PPP2R2C: variants seen among roughly 807,000 people sequenced by gnomAD.
The protein encoded by PPP2R2C is protein phosphatase 2 regulatory subunit Bgamma.
A neutral mutation model predicts 45.3 loss-of-function variants in PPP2R2C; 10 were observed. The ratio of observed to expected loss-of-function variants is 0.22; its 90% CI spans 0.14 to 0.37. The LOEUF (loss-of-function observed/expected upper bound fraction) is 0.37. Ranked by LOEUF, PPP2R2C falls within the 10% of genes least tolerant of loss-of-function variation. PPP2R2C has a pLI of 1.00. For missense variants in PPP2R2C, 308 were observed against 619.7 expected, an observed-to-expected ratio of 0.50 and a Z score of 5.34; for synonymous variants, 257 against 245.4, an observed-to-expected ratio of 1.05 and a Z score of -0.44.
chr4:6,476,720 T>C (rs1203409030), upstream of PPP2R2C, among the ~76,000 whole-genome samples: 1 of 152,258 alleles, frequency 6.6e-6, no homozygotes, highest in Non-Finnish European at 1.5e-5. Flanking sequence ...ACTAGTTTAC[T>C]AGTAAATTGT....
chr4:6,357,607 T>C (rs1238047163), intron 5 of PPP2R2C, among the ~76,000 whole-genome samples: 1 of 152,156 alleles, frequency 6.6e-6, no homozygotes, highest in Non-Finnish European at 1.5e-5. Flanking sequence ...TCACACAGCC[T>C]CCCTTCTTTA....
chr4:6,356,657 C>G (rs1438839585), intron 5 of PPP2R2C, among the ~76,000 whole-genome samples: 1 of 152,284 alleles, frequency 6.6e-6, no homozygotes, highest in Non-Finnish European at 1.5e-5. Context: ...GCGCTGAGAA[C>G]AGGACCAGGC....
At chr4:6,557,944 C>T (rs111928493) in intron 1 of PPP2R2C, among the ~76,000 whole-genome samples, 9,129 of 152,098 alleles carry the variant, frequency 0.06, 389 homozygotes, top group Admixed American at 0.12. Context: ...GGCAAACCCT[C>T]CCCAGCCCCA....
intron 1 of PPP2R2C, among the ~76,000 whole-genome samples, chr4:6,402,988 G>C (rs771835787): frequency 6.6e-6 from 1 of 152,194 alleles, no homozygotes; most frequent in Admixed American, 6.5e-5. Flanking sequence ...GGCTCTGCAC[G>C]TCTCCCGGCT....
chr4:6,550,624 A>G (rs1053935500), intron 1 of PPP2R2C, among the ~76,000 whole-genome samples: 7 of 152,126 alleles, frequency 4.6e-5, no homozygotes, highest in Non-Finnish European at 4.4e-5. Flanking sequence ...TTCGCAGAGC[A>G]TCTTAGGGGG....
chr4:6,448,777 C>A (rs34077531), intron 1 of PPP2R2C, among the ~76,000 whole-genome samples: 2 of 152,054 alleles, frequency 1.3e-5, no homozygotes, highest in East Asian at 1.9e-4. Flanking sequence ...CCTCCTCCCC[C>A]CAGTGAGCAA....
rs113130819 is a variant in PPP2R2C at position 6,524,397 on chromosome 4, G to C, written c.49+10874C>G. On this transcript the variant is annotated intron_variant, in intron 2 of 9. Coordinates refer to the PPP2R2C transcript ENST00000506140. ...CATGGTTGCCAGGGACTAGAAGGAG[G>C]AGGAATGGGAGTGACTGCTTACTGA... is the stretch of plus-strand genomic sequence containing the variant. Among the ~76,000 whole-genome samples, 477 of 152,338 alleles carry C rather than the reference G, an allele frequency of 3.1e-3. 5 individuals carry two copies. Among genetic ancestry groups the C allele is most frequent in the African/African-American group, 0.011 (457 of 41,568 alleles).
chr4:6,436,877 T>C (rs1367281298), intron 1 of PPP2R2C, among the ~76,000 whole-genome samples: 1 of 130,544 alleles, frequency 7.7e-6, no homozygotes, highest in East Asian at 2.3e-4. Context: ...AACCCTTATA[T>C]AGACTATAAA....
At chr4:6,387,447 T>C (rs1330478944) in intron 1 of PPP2R2C, among the ~76,000 whole-genome samples, 1 of 152,184 alleles carries the variant, frequency 6.6e-6, no homozygotes, top group Non-Finnish European at 1.5e-5. Flanking sequence ...GAAGACTCTT[T>C]TAATGTGCCG....
At chr4:6,399,700 C>G (rs1259515393) in intron 1 of PPP2R2C, among the ~76,000 whole-genome samples, 2 of 152,202 alleles carry the variant, frequency 1.3e-5, no homozygotes, top group African/African-American at 4.8e-5. Flanking sequence ...ATGGAAGAAG[C>G]CTTTTATAGG....
At chr4:6,438,858 T>C (rs1720016950) in intron 1 of PPP2R2C, among the ~76,000 whole-genome samples, 1 of 152,248 alleles carries the variant, frequency 6.6e-6, no homozygotes, top group Non-Finnish European at 1.5e-5. Flanking sequence ...TAAAGAAACC[T>C]ATTAGGTGAA....
At chr4:6,457,566 G>T (rs542945342) in intron 1 of PPP2R2C, among the ~76,000 whole-genome samples, 98 of 152,022 alleles carry the variant, frequency 6.4e-4, no homozygotes, top group Admixed American at 1.6e-3. Flanking sequence ...AAGAGACAGG[G>T]TCTCACTATA....
At chr4:6,502,693 A>T (rs1006167935) in intron 2 of PPP2R2C, among the ~76,000 whole-genome samples, 1 of 152,142 alleles carries the variant, frequency 6.6e-6, no homozygotes, top group African/African-American at 2.4e-5. Context: ...CCTGGAAAAG[A>T]CCAGGCAGGG....
At chr4:6,366,520 C>G (rs1458398520) in intron 5 of PPP2R2C, among the ~76,000 whole-genome samples, 1 of 152,206 alleles carries the variant, frequency 6.6e-6, no homozygotes, top group Non-Finnish European at 1.5e-5. Flanking sequence ...AGGGCTTCCA[C>G]CATAAAATGG....
At position 6,509,475 on chromosome 4, in the gene PPP2R2C, C is replaced by CAA. The variant is rs71646649; in HGVS notation, c.49+25794_49+25795dup. Among the ~76,000 whole-genome samples the CAA allele has an allele frequency of 5.7e-3, 841 of 148,438 alleles. 8 individuals carry two copies. Among genetic ancestry groups the CAA allele is most frequent in the African/African-American group, 0.019 (789 of 40,710 alleles). ...TGAAAAAAATCAATTGAGCCTCTGG[C>CAA]AAAAAAAAAATAAATAAATAAGTGA... On this transcript the variant is annotated intron_variant, in intron 2 of 9. Coordinates refer to the PPP2R2C transcript ENST00000506140.
At chr4:6,481,965 C>A (rs1012992468) in intron 2 of PPP2R2C, among the ~76,000 whole-genome samples, 1 of 110,522 alleles carries the variant, frequency 9.0e-6, no homozygotes, top group African/African-American at 3.6e-5. Flanking sequence ...GGTGACAGAG[C>A]GAGACTCCGT....
At chr4:6,513,096 T>A (rs1020161604) in intron 2 of PPP2R2C, among the ~76,000 whole-genome samples, 1 of 152,198 alleles carries the variant, frequency 6.6e-6, no homozygotes, top group Non-Finnish European at 1.5e-5. Flanking sequence ...AATTTGATTA[T>A]ATCATAAAGC....
intron 5 of PPP2R2C, chr4:6,351,470 C>G (rs1712548312): frequency 1.8e-6 from 1 of 568,174 alleles, no homozygotes; most frequent in Admixed American, 6.4e-5. Context: ...GCTGGGGACA[C>G]AGAGTCCCCA....
chr4:6,393,853 C>T (rs924446625), intron 1 of PPP2R2C, among the ~76,000 whole-genome samples: 1 of 152,222 alleles, frequency 6.6e-6, no homozygotes, highest in Non-Finnish European at 1.5e-5. Context: ...TTGACTCTAG[C>T]CAGGCTGGAC....
Sources: gnomAD v4.1 joint callset for allele counts (sites outside exome capture counted in the v4.1 genomes callset) on GRCh38, gnomAD v4.1.1 for gene constraint, MANE v1.5 for transcripts, NCBI Gene and HGNC (gene_info 2026-07-23, HGNC 2026-07-21) for gene names.